The following BICDL1 variants were observed in gnomAD, a reference collection of about 807,000 sequenced individuals.
BICDL1 encodes the protein BICD family like cargo adaptor 1, also known as BICD family-like cargo adapter 1.
In BICDL1, 20 loss-of-function variants were observed where a neutral mutation model predicts 76.8. The observed-to-expected ratio is 0.26, with a 90% CI of 0.18 to 0.38. BICDL1 has a LOEUF of 0.38. Ranked by LOEUF, BICDL1 falls within the 10% of genes least tolerant of loss-of-function variation. BICDL1 has a pLI of 1.00. For missense variants in BICDL1, 700 were observed against 798.6 expected, an observed-to-expected ratio of 0.88 and a Z score of 1.49; for synonymous variants, 383 against 337.1, an observed-to-expected ratio of 1.14 and a Z score of -1.49.
At chr12:119,994,498 T>C (rs1019235699) in intron 1 of BICDL1, among the ~76,000 whole-genome samples, 3 of 148,656 alleles carry the variant, frequency 2.0e-5, no homozygotes, top group African/African-American at 7.7e-5. Flanking sequence ...AAATAGACTC[T>C]TTTTTTTTCG....
intron 2 of BICDL1, among the ~76,000 whole-genome samples, chr12:120,025,182 C>T (rs926841510): frequency 6.6e-6 from 1 of 151,972 alleles, no homozygotes; most frequent in East Asian, 1.9e-4. Flanking sequence ...TCCCGAGTAG[C>T]TGGGACTACA....
chr12:119,989,462 G>GGCAGCAGCAGCAGCAGCA lies in BICDL1; in HGVS notation c.-390_-389insAGCAGCAGCAGCAGCAGC, dbSNP rs746391690. 6.8e-6 allele frequency among the ~76,000 whole-genome samples: 1 copy of GGCAGCAGCAGCAGCAGCA among 146,968 alleles called. No individual in the cohort carries two copies. Among genetic ancestry groups the GGCAGCAGCAGCAGCAGCA allele is most frequent in the Admixed American group, 6.7e-5 (1 of 14,900 alleles). Reference sequence around the variant, plus strand: ...CGTGAGGCGCTGCCCGGCCGGCGGCGGCAGCAGCAGCAGCAGCGGCAGCGG... The same window carrying GGCAGCAGCAGCAGCAGCA: ...CGTGAGGCGCTGCCCGGCCGGCGGCGGCAGCAGCAGCAGCAGCAGCAGCAGCAGCAGCAGCGGCAGCGG... On this transcript the variant is annotated 5_prime_UTR_variant, in exon 1 of 10. Coordinates refer to ENST00000548673, the MANE Select transcript of BICDL1 (RefSeq NM_001367886.1).
chr12:120,094,102 G>C lies in BICDL1; in HGVS notation c.*941G>C, dbSNP rs1208201706. On this transcript the variant is annotated 3_prime_UTR_variant, in exon 10 of 10. Coordinates refer to ENST00000548673, the MANE Select transcript of BICDL1 (RefSeq NM_001367886.1). ...ACAGGCACCACGGGGTGGAGGGGAGGGGGAGGCTGCCGGAAGCCTCCAGAT... is the reference window on the plus strand; with the variant it reads ...ACAGGCACCACGGGGTGGAGGGGAGCGGGAGGCTGCCGGAAGCCTCCAGAT... 2 of 424,870 alleles carry C rather than the reference G, an allele frequency of 4.7e-6. No individual in the cohort carries two copies. The highest frequency in any genetic ancestry group is 7.1e-5 in the East Asian group (1 of 14,044). 26.3% of individuals were successfully genotyped at this position (424,870 alleles called of 1,614,324 possible). A position where few individuals can be genotyped will look rare whatever the true frequency, so the allele number is the denominator to read the frequency against.
At chr12:120,037,140 A>G (rs1005788071) in intron 2 of BICDL1, among the ~76,000 whole-genome samples, 40 of 152,162 alleles carry the variant, frequency 2.6e-4, no homozygotes, top group African/African-American at 9.2e-4. Context: ...TCAGTGCCTA[A>G]CATGTTGTCT....
rs532847907 is a variant in BICDL1, at chr12:120,035,181, C to A, written c.646-26529C>A. On this transcript the variant is annotated intron_variant, in intron 2 of 9. Transcript: ENST00000548673. ...CAAAACCCCATCTCTACTAAAAATA[C>A]AAAAATTAGCCGGGTGTGGTGGTGC... Among the ~76,000 whole-genome samples the A allele has an allele frequency of 2.0e-5, 3 of 152,162 alleles. No homozygotes were observed. In the South Asian group the frequency reaches 6.2e-4, roughly 32 times the overall value.
intron 9 of BICDL1, chr12:120,091,149 C>T: frequency 8.2e-7 from 1 of 1,214,488 alleles, no homozygotes; most frequent in Non-Finnish European, 1.0e-6. Context: ...GTGTGACATG[C>T]CCTCAAGTCC....
intron 2 of BICDL1, among the ~76,000 whole-genome samples, chr12:120,025,066 TGAGAC>T (rs1952263732): frequency 6.8e-6 from 1 of 148,138 alleles, no homozygotes; most frequent in African/African-American, 2.6e-5. Flanking sequence ...TTTTTTTTTT[TGAGAC>T]GGAGGAGTCT....
At chr12:120,025,501 C>T (rs1427241583) in intron 2 of BICDL1, among the ~76,000 whole-genome samples, 1 of 152,134 alleles carries the variant, frequency 6.6e-6, no homozygotes, top group African/African-American at 2.4e-5. Context: ...TGTTTGCACC[C>T]GTGTTCTCTC....
rs139824969 is a variant in BICDL1, at chr12:120,076,566, C to T, written c.1452+1980C>T. ...AATATTTAGGAACCCATTTCCACCT[C>T]GAAATTTTTCTTAGAAGTTCAGCTG... On this transcript the variant is annotated intron_variant, in intron 7 of 9. Transcript: ENST00000548673. Among the ~76,000 whole-genome samples the T allele has an allele frequency of 2.4e-3, 369 of 152,272 alleles. 2 individuals carry two copies. The highest frequency in any genetic ancestry group is 8.6e-3 in the African/African-American group (359 of 41,554).
intron 2 of BICDL1, among the ~76,000 whole-genome samples, chr12:120,059,306 G>T (rs1213393702): frequency 6.6e-6 from 1 of 152,062 alleles, no homozygotes. Context: ...GTCTCGCTCT[G>T]TAGCCTGGGC....
At chr12:120,049,634 C>A (rs1462904147) in intron 2 of BICDL1, among the ~76,000 whole-genome samples, 2 of 152,102 alleles carry the variant, frequency 1.3e-5, no homozygotes, top group Non-Finnish European at 2.9e-5. Flanking sequence ...TGGTGTCTTT[C>A]ATTGTTAGGA....
chr12:120,017,605 G>A (rs1952092294), intron 2 of BICDL1, among the ~76,000 whole-genome samples: 1 of 152,012 alleles, frequency 6.6e-6, no homozygotes, highest in Admixed American at 6.6e-5. Flanking sequence ...GGTGGCACAG[G>A]TCTATAGTTG....
At chr12:120,085,802 A>C (rs1874364054) in intron 8 of BICDL1, among the ~76,000 whole-genome samples, 1 of 140,778 alleles carries the variant, frequency 7.1e-6, no homozygotes. Flanking sequence ...CCTGCCTCAA[A>C]AAAAAAAAAA....
At chr12:120,083,741 C>T (rs1874178775) in intron 8 of BICDL1, among the ~76,000 whole-genome samples, 1 of 151,896 alleles carries the variant, frequency 6.6e-6, no homozygotes, top group South Asian at 2.1e-4. Flanking sequence ...CTCACTGCAA[C>T]CCCCACCTCC....
At chr12:120,021,875 AGCCTATGCAAC>A (rs1417591565) in intron 2 of BICDL1, among the ~76,000 whole-genome samples, 1 of 151,472 alleles carries the variant, frequency 6.6e-6, no homozygotes, top group Non-Finnish European at 1.5e-5. Context: ...ACTGCACTCC[AGCCTATGCAAC>A]AGAGCGAGGC....
intron 8 of BICDL1, among the ~76,000 whole-genome samples, chr12:120,081,759 A>G (rs1461811641): frequency 2.0e-5 from 3 of 151,814 alleles, no homozygotes; most frequent in South Asian, 4.2e-4. Context: ...AAAATAGAAG[A>G]TATAAGATGA....
At chr12:120,056,010 CGA>C (rs1167576535) in intron 2 of BICDL1, among the ~76,000 whole-genome samples, 5 of 152,040 alleles carry the variant, frequency 3.3e-5, no homozygotes, top group South Asian at 2.1e-4. Context: ...TTGGAACACT[CGA>C]AATGCTCATC....
chr12:120,088,599 C>T (rs1035844810), intron 8 of BICDL1, among the ~76,000 whole-genome samples: 12 of 152,084 alleles, frequency 7.9e-5, no homozygotes, highest in African/African-American at 2.7e-4. Flanking sequence ...TCAGGTGATC[C>T]TTCCACCTTG....
In BICDL1 at chr12:119,989,462, G is replaced by GGCAGCAGCAGCAGCAGCAGCAGCAGCA. The variant is rs746391690; in HGVS notation, c.-390_-389insAGCAGCAGCAGCAGCAGCAGCAGCAGC. Among the ~76,000 whole-genome samples the GGCAGCAGCAGCAGCAGCAGCAGCAGCA allele has an allele frequency of 6.8e-6, 1 of 146,968 alleles. No homozygotes were observed. The highest frequency in any genetic ancestry group is 2.5e-5 in the African/African-American group (1 of 40,436). On this transcript the variant is annotated 5_prime_UTR_variant, in exon 1 of 10. Coordinates refer to ENST00000548673, the MANE Select transcript of BICDL1 (RefSeq NM_001367886.1). ...CGTGAGGCGCTGCCCGGCCGGCGGC[G>GGCAGCAGCAGCAGCAGCAGCAGCAGCA]GCAGCAGCAGCAGCAGCGGCAGCGG...
Sources: allele counts gnomAD v4.1 joint callset (sites outside exome capture counted in the v4.1 genomes callset), GRCh38; gene constraint gnomAD v4.1.1; transcripts MANE v1.5; gene names NCBI Gene and HGNC (gene_info 2026-07-23, HGNC 2026-07-21).